FBXW4: variants seen among roughly 807,000 people sequenced by gnomAD.
The protein encoded by FBXW4 is F-box/WD repeat-containing protein 4.
Under a neutral mutation model 61.8 loss-of-function variants are expected in FBXW4, and 40 were observed. That is an observed-to-expected ratio of 0.65 (90% CI 0.50 to 0.84). The LOEUF (loss-of-function observed/expected upper bound fraction) is 0.84. FBXW4 is among the 40% of genes least tolerant of loss of function. The probability of loss-of-function intolerance (pLI) is 0.00; values close to 1 mark genes in which losing one functional copy is unlikely to be tolerated. For missense variants in FBXW4, 672 were observed against 753.8 expected (o/e 0.89, Z 1.27); for synonymous variants, 311 against 313.8 (o/e 0.99, Z 0.10).
At chr10:101,649,944 G>A (rs1032460924) in intron 5 of FBXW4, among the ~76,000 whole-genome samples, 1 of 152,226 alleles carries the variant, frequency 6.6e-6, no homozygotes, top group Non-Finnish European at 1.5e-5. Flanking sequence ...TTCATCCACT[G>A]ACTTCCTGAC....
At chr10:101,646,172 G>T (rs2064094524) in intron 5 of FBXW4, among the ~76,000 whole-genome samples, 1 of 152,124 alleles carries the variant, frequency 6.6e-6, no homozygotes, top group African/African-American at 2.4e-5. Flanking sequence ...TGCAGTATGG[G>T]GTAAGAAGTG....
At chr10:101,640,531 G>T (rs2134843156) in intron 5 of FBXW4, among the ~76,000 whole-genome samples, 1 of 109,704 alleles carries the variant, frequency 9.1e-6, no homozygotes, top group South Asian at 3.3e-4. Flanking sequence ...TCACTCTGTT[G>T]CCCAGGCTGG....
chr10:101,641,818 A>G (rs1185228262), intron 5 of FBXW4, among the ~76,000 whole-genome samples: 1 of 152,204 alleles, frequency 6.6e-6, no homozygotes, highest in African/African-American at 2.4e-5. Flanking sequence ...ATAATATATG[A>G]GATGTTACAT....
chr10:101,671,048 G>C (rs1237408510), intron 4 of FBXW4, among the ~76,000 whole-genome samples: 1 of 152,202 alleles, frequency 6.6e-6, no homozygotes, highest in Non-Finnish European at 1.5e-5. Context: ...GAAGGTTCAG[G>C]TGTATTAGAA....
At chr10:101,686,101 G>A (rs1474760999) in intron 1 of FBXW4, among the ~76,000 whole-genome samples, 2 of 152,124 alleles carry the variant, frequency 1.3e-5, no homozygotes, top group Non-Finnish European at 2.9e-5. Flanking sequence ...TTATGTGCAT[G>A]AGCTTAAGAT....
chr10:101,693,592 T>C (rs983837755), intron 1 of FBXW4, among the ~76,000 whole-genome samples: 3 of 152,240 alleles, frequency 2.0e-5, no homozygotes, highest in African/African-American at 7.2e-5. Flanking sequence ...GTTGTCATAA[T>C]GTACTAGAAA....
intron 7 of FBXW4, 47 bp downstream of exon 7, chr10:101,612,290 T>C: frequency 6.8e-7 from 1 of 1,475,208 alleles, no homozygotes; most frequent in Non-Finnish European, 9.0e-7. Flanking sequence ...AGGACCAGGA[T>C]TGGTGCAGGG....
chr10:101,643,439 G>A (rs2064070688), intron 5 of FBXW4, among the ~76,000 whole-genome samples: 4 of 152,230 alleles, frequency 2.6e-5, no homozygotes, highest in Admixed American at 2.6e-4. Context: ...GCCATCCTTT[G>A]CTGAGAAGGC....
chr10:101,676,711 G>GAAAAAAAAAAAAAA (rs56232127), intron 1 of FBXW4: 7 of 64,782 alleles, frequency 1.1e-4, no homozygotes, highest in East Asian at 1.2e-3. Context: ...TCCAGATTGG[G>GAAAAAAAAAAAAAA]AAAAAAAAAA....
In FBXW4 at chr10:101,611,658, C is replaced by T; in HGVS notation, c.1554G>A (p.Leu518=). 6.2e-7 allele frequency: 1 copy of T among 1,614,222 alleles called. No individual in the cohort carries two copies. Among genetic ancestry groups the T allele is most frequent in the Non-Finnish European group, 8.5e-7 (1 of 1,180,040 alleles). The change falls in exon 8 of 9, where the codon CTG becomes CTA. Residue 518 remains leucine, a synonymous_variant. Transcript: ENST00000331272. This position sits in a 1 kb window ranked among gnomAD's most constrained non-coding sequence, Gnocchi z 4.9. ...GGCAGGCCCTTTGACGCCGGTCCCACAGCCGTACAACACCGTAGTAGGAGG... is the reference window on the plus strand; with the variant it reads ...GGCAGGCCCTTTGACGCCGGTCCCATAGCCGTACAACACCGTAGTAGGAGG... ...TGSSYYGVVR[L]WDRRQRACLH... is the part of the protein sequence containing the mutation.
At chr10:101,612,102 C>T (rs1197826696) in intron 7 of FBXW4, among the ~76,000 whole-genome samples, 4 of 152,250 alleles carry the variant, frequency 2.6e-5, no homozygotes, top group Non-Finnish European at 4.4e-5. Context: ...AGTACCCTGA[C>T]GGCTCCAGAG....
chr10:101,673,175 C>A, intron 3 of FBXW4, 128 bp from the exon 4 acceptor site: 2 of 1,174,350 alleles, frequency 1.7e-6, no homozygotes, highest in East Asian at 2.5e-5. Flanking sequence ...CAATTCAGCC[C>A]AGTAAGGTGC....
rs1183536138 is a variant in FBXW4, at chr10:101,672,866, C to G, written c.1140+49G>C. 3 of 1,601,740 alleles carry G rather than the reference C, an allele frequency of 1.9e-6. No individual in the cohort carries two copies. The South Asian group carries it at 3.4e-5, about 18-fold the overall frequency. On this transcript the variant is annotated intron_variant, in intron 4 of 8. Coordinates refer to ENST00000331272, the MANE Select transcript of FBXW4 (RefSeq NM_022039.4). ...AGACTCAGGGATCTATCCACCCCCT[C>G]CCTATAGACAGGAGGGAGTAATAGT...
intron 6 of FBXW4, among the ~76,000 whole-genome samples, chr10:101,616,192 T>C (rs536295142): frequency 4.3e-4 from 65 of 151,558 alleles, no homozygotes; most frequent in Admixed American, 2.4e-3. Flanking sequence ...GAGGGAAGGG[T>C]GACAAAAGAG....
rs34484310 is a variant in FBXW4, at chr10:101,634,201, CA to C, written c.1236-9392del. On this transcript the variant is annotated intron_variant, in intron 5 of 8. Coordinates refer to ENST00000331272, the MANE Select transcript of FBXW4 (RefSeq NM_022039.4). ...GTAGAATATCTAAGAATAAATCTAA[CA>C]AAAAAAACAAGAGAAAAATGAACAA... 2.0e-4 allele frequency among the ~76,000 whole-genome samples: 30 copies of C among 150,768 alleles called. No homozygotes were observed. In the South Asian group the frequency reaches 3.6e-3, roughly 18 times the overall value.
chr10:101,680,456 T>A (rs1320815804), intron 1 of FBXW4, among the ~76,000 whole-genome samples: 1 of 152,186 alleles, frequency 6.6e-6, no homozygotes, highest in Non-Finnish European at 1.5e-5. Context: ...GATATAAGTT[T>A]TCTCTCTAAA....
intron 5 of FBXW4, among the ~76,000 whole-genome samples, chr10:101,664,560 T>C (rs984095695): frequency 8.5e-5 from 13 of 152,158 alleles, no homozygotes; most frequent in African/African-American, 3.1e-4. Context: ...AAGGTGGTCA[T>C]TGAGGGCAGG....
intron 1 of FBXW4, among the ~76,000 whole-genome samples, chr10:101,689,691 G>T (rs911813833): frequency 6.6e-6 from 1 of 152,198 alleles, no homozygotes; most frequent in Non-Finnish European, 1.5e-5. Context: ...TCCATTCAGG[G>T]TTAGGAAACT....
intron 5 of FBXW4, among the ~76,000 whole-genome samples, chr10:101,632,105 C>T (rs2063963682): frequency 6.6e-6 from 1 of 152,132 alleles, no homozygotes; most frequent in Non-Finnish European, 1.5e-5. Flanking sequence ...GGCCAAGAAG[C>T]TCCAGATCAG....
Sources: allele counts gnomAD v4.1 joint callset (sites outside exome capture counted in the v4.1 genomes callset), GRCh38; gene constraint gnomAD v4.1.1; non-coding constraint Gnocchi (gnomAD v3.1); transcripts MANE v1.5; gene names NCBI Gene and HGNC (gene_info 2026-07-23, HGNC 2026-07-21).